DLC1: variants seen among roughly 807,000 people sequenced by gnomAD.
The protein encoded by DLC1 is DLC1 Rho GTPase activating protein, also known as rho GTPase-activating protein 7.
DLC1 carries 54 observed loss-of-function variants against 140.3 expected under a neutral mutation model. That is an observed-to-expected ratio of 0.38 (90% confidence interval 0.31 to 0.48). The LOEUF is 0.48. Ranked by LOEUF, DLC1 falls within the 20% of genes least tolerant of loss-of-function variation. DLC1 has a pLI of 0.96. For missense variants in DLC1, 2,536 were observed against 1,907.0 expected (o/e 1.33, Z -6.14); for synonymous variants, 986 against 728.1 (o/e 1.35, Z -5.70).
At chr8:13,538,426 G>GATGGTGTCA in intron 1 of DLC1, among the ~76,000 whole-genome samples, 1 of 152,066 alleles carries the variant, frequency 6.6e-6, no homozygotes, top group Admixed American at 6.5e-5. Flanking sequence ...ATTCTTTACA[G>GATGGTGTCA]ATGGTGTCAA....
intron 2 of DLC1, among the ~76,000 whole-genome samples, chr8:13,477,460 G>A (rs903273257): frequency 6.6e-6 from 1 of 152,202 alleles, no homozygotes; most frequent in South Asian, 2.1e-4. Context: ...AGTAGTGAGA[G>A]TAGGGCTTCA....
intron 2 of DLC1, among the ~76,000 whole-genome samples, chr8:13,477,129 C>G (rs931599955): frequency 6.6e-6 from 1 of 152,108 alleles, no homozygotes; most frequent in East Asian, 1.9e-4. Context: ...TGAAGCTATG[C>G]AGAGGAAGCA....
chr8:13,439,480 CTT>C (rs975583051), intron 2 of DLC1, among the ~76,000 whole-genome samples: 2 of 147,058 alleles, frequency 1.4e-5, no homozygotes, highest in East Asian at 2.0e-4. Context: ...TTTTTCTTTT[CTT>C]TTTTTTTTTA....
rs1054445635 is a variant in DLC1 at position 13,362,498 on chromosome 8, G to A, written c.1314+31055C>T. Among the ~76,000 whole-genome samples the A allele has an allele frequency of 1.7e-4, 26 of 151,976 alleles. 1 individual carries two copies. The highest frequency in any genetic ancestry group is 2.1e-4 in the South Asian group (1 of 4,822). On this transcript the variant is annotated intron_variant, in intron 4 of 17. Transcript: ENST00000276297. ...GGAATTAGAGTGAAACTCTTATGTC[G>A]GTTAACCTTTCCTGCCTTCATTAGC...
rs191280162 is a variant in DLC1 at position 13,370,173 on chromosome 8, C to T, written c.1314+23380G>A. On this transcript the variant is annotated intron_variant, in intron 4 of 17. Coordinates refer to ENST00000276297, the MANE Select transcript of DLC1 (RefSeq NM_182643.3). ...ATCACTTTGTCTAAAGGCCACAGCT[C>T]ACCCATTCTTCCTAGAGCATATCAT... Among the ~76,000 whole-genome samples the T allele has an allele frequency of 4.6e-5, 7 of 152,080 alleles. No individual in the cohort carries two copies. The East Asian group carries it at 1.4e-3, about 29-fold the overall frequency.
chr8:13,118,093 T>C (rs1820731581), intron 5 of DLC1, among the ~76,000 whole-genome samples: 1 of 149,564 alleles, frequency 6.7e-6, no homozygotes, highest in Non-Finnish European at 1.5e-5. Context: ...CACTGCAGCA[T>C]CGACCTTCCG....
intron 5 of DLC1, among the ~76,000 whole-genome samples, chr8:13,229,418 G>A (rs1828944009): frequency 6.6e-6 from 1 of 152,122 alleles, no homozygotes; most frequent in Admixed American, 6.5e-5. Context: ...ATTAGTGGGT[G>A]CTTAGGACTC....
At chr8:13,209,226 C>G (rs536350493) in intron 5 of DLC1, among the ~76,000 whole-genome samples, 1 of 152,106 alleles carries the variant, frequency 6.6e-6, no homozygotes, top group Non-Finnish European at 1.5e-5. Flanking sequence ...TGACTATCAA[C>G]CTATGTATCC....
chr8:13,154,274 C>G lies in DLC1; in HGVS notation c.1349-38617G>C, dbSNP rs572564709. Among the ~76,000 whole-genome samples the G allele has an allele frequency of 5.3e-4, 81 of 152,332 alleles. 1 individual carries two copies. The South Asian group carries it at 0.016, about 29-fold the overall frequency. ...GCGGGAGGCACCCATCAGGGAGACT[C>G]GGGCCTGCGGGAGCCCGCTGCGGTG... On this transcript the variant is annotated intron_variant, in intron 5 of 17. Transcript: ENST00000276297.
Position 13,499,651 on chromosome 8 carries a change from T to C in DLC1, c.421A>G (p.Ile141Val). The change falls in exon 2 of 18, where the codon ATC (isoleucine) becomes GTC (valine). Residue 141 changes from isoleucine (I) to valine (V), a missense_variant. Transcript: ENST00000276297. ...TTTTCTAAGGAGCCTGCTCCTTGGA[T>C]CATATGTTGGCCTGATGTTTTCTGC... ...QGQKTSGQHM[I>V]QGAGSLEKAL... is the part of the protein sequence containing the mutation. The C allele has an allele frequency of 6.2e-7, 1 of 1,614,204 alleles. No individual in the cohort carries two copies. The highest frequency in any genetic ancestry group is 8.5e-7 in the Non-Finnish European group (1 of 1,180,024).
At chr8:13,096,151 G>C (rs1287570101) in intron 10 of DLC1, 1 of 152,200 alleles carries the variant, frequency 6.6e-6, no homozygotes, top group African/African-American at 2.4e-5. Context: ...ACCTTGTGTA[G>C]GATTCCTCCC....
chr8:13,242,219 T>C (rs1829572092), intron 5 of DLC1, among the ~76,000 whole-genome samples: 1 of 152,146 alleles, frequency 6.6e-6, no homozygotes, highest in Non-Finnish European at 1.5e-5. Context: ...AGGGAAGGCA[T>C]CTTTCCTAGA....
At chr8:13,103,705 C>T (rs946065940) in intron 7 of DLC1, among the ~76,000 whole-genome samples, 4 of 151,492 alleles carry the variant, frequency 2.6e-5, no homozygotes, top group Admixed American at 6.6e-5. Flanking sequence ...TGGGCATGGT[C>T]GTGGGTGCCT....
chr8:13,116,323 C>G, intron 5 of DLC1: 2 of 779,478 alleles, frequency 2.6e-6, no homozygotes, highest in Non-Finnish European at 3.1e-6. Flanking sequence ...TAGATAGAAT[C>G]GATAAACAGA....
intron 5 of DLC1, among the ~76,000 whole-genome samples, chr8:13,174,059 T>C (rs1825633580): frequency 6.6e-6 from 1 of 152,106 alleles, no homozygotes; most frequent in South Asian, 2.1e-4. Context: ...GTTTTTCCTT[T>C]ACGTCCACAT....
rs551629071 is a variant in DLC1, at chr8:13,155,237, TTAAC to T, written c.1349-39584_1349-39581del. On this transcript the variant is annotated intron_variant, in intron 5 of 17. Coordinates refer to ENST00000276297, the MANE Select transcript of DLC1 (RefSeq NM_182643.3). ...TATTATATGGCTATATCCTAATTAT[TTAAC>T]TAGTCTTCTGTTGATGGTCATTTAT... 6.2e-3 allele frequency among the ~76,000 whole-genome samples: 942 copies of T among 152,216 alleles called. 12 individuals are homozygous for T. Among genetic ancestry groups the T allele is most frequent in the African/African-American group, 0.022 (920 of 41,552 alleles).
At chr8:13,467,937 T>C (rs539882148) in intron 2 of DLC1, among the ~76,000 whole-genome samples, 8 of 152,342 alleles carry the variant, frequency 5.3e-5, no homozygotes, top group Non-Finnish European at 8.8e-5. Context: ...TTTAAGTGGT[T>C]TTATGCAGCT....
intron 5 of DLC1, among the ~76,000 whole-genome samples, chr8:13,197,139 T>G (rs1250280984): frequency 6.6e-6 from 1 of 152,188 alleles, no homozygotes; most frequent in Admixed American, 6.5e-5. Context: ...TGAGGATGTC[T>G]AGTGGGTAAA....
chr8:13,211,096 T>C (rs1233171906), intron 5 of DLC1, among the ~76,000 whole-genome samples: 1 of 152,160 alleles, frequency 6.6e-6, no homozygotes, highest in Non-Finnish European at 1.5e-5. Flanking sequence ...CTAGGAATTA[T>C]CACGTATTTG....
Sources: gnomAD v4.1 joint callset for allele counts (sites outside exome capture counted in the v4.1 genomes callset) on GRCh38, gnomAD v4.1.1 for gene constraint, MANE v1.5 for transcripts, NCBI Gene and HGNC (gene_info 2026-07-23, HGNC 2026-07-21) for gene names.